DLC1: variants seen among roughly 807,000 people sequenced by gnomAD.
The protein encoded by DLC1 is DLC1 Rho GTPase activating protein.
A neutral mutation model predicts 140.3 loss-of-function variants in DLC1; 54 were observed. The observed-to-expected ratio is 0.38, with a 90% confidence interval of 0.31 to 0.48. The LOEUF (loss-of-function observed/expected upper bound fraction) is 0.48, where lower values mean the gene tolerates loss of function less well. Ranked by LOEUF, DLC1 falls within the 20% of genes least tolerant of loss-of-function variation. The probability of loss-of-function intolerance (pLI) is 0.96; values close to 1 mark genes in which losing one functional copy is unlikely to be tolerated. For synonymous variants in DLC1, 986 were observed against 728.1 expected (o/e 1.35, Z -5.70); for missense variants, 2,536 against 1,907.0 (o/e 1.33, Z -6.14).
intron 4 of DLC1, among the ~76,000 whole-genome samples, chr8:13,390,391 A>G (rs995046139): frequency 1.3e-5 from 2 of 152,128 alleles, no homozygotes; most frequent in African/African-American, 2.4e-5. Flanking sequence ...GGTTGGTTCC[A>G]TGTCTTTGCT....
At position 13,450,674 on chromosome 8, in the gene DLC1, T is replaced by A. The variant is rs1798997522; in HGVS notation, c.1023+48375A>T. 2.0e-5 allele frequency among the ~76,000 whole-genome samples: 3 copies of A among 151,784 alleles called. 1 individual carries two copies. In the South Asian group the frequency reaches 6.2e-4, roughly 31 times the overall value. ...GACTTCATATTTTAAGAGTGAAAAG[T>A]TTTCATGAATAAGTCTTGCAAAATT... is the stretch of plus-strand genomic sequence containing the variant. On this transcript the variant is annotated intron_variant, in intron 2 of 17. Transcript: ENST00000276297.
chr8:13,164,675 A>G (rs1180520802), intron 5 of DLC1, among the ~76,000 whole-genome samples: 1 of 152,188 alleles, frequency 6.6e-6, no homozygotes, highest in Non-Finnish European at 1.5e-5. Flanking sequence ...GCCAGTGCAG[A>G]CATTGATACT....
chr8:13,431,649 C>T (rs1164803124), intron 2 of DLC1, among the ~76,000 whole-genome samples: 2 of 151,566 alleles, frequency 1.3e-5, no homozygotes, highest in Admixed American at 6.6e-5. Context: ...CATACATCTG[C>T]TTTAGAAAGA....
intron 2 of DLC1, among the ~76,000 whole-genome samples, chr8:13,414,791 G>A (rs759154032): frequency 3.3e-5 from 5 of 152,004 alleles, no homozygotes; most frequent in Admixed American, 1.3e-4. Flanking sequence ...TTGACACGAT[G>A]TTATCATTTT....
At chr8:13,172,085 T>C (rs1017949439) in intron 5 of DLC1, among the ~76,000 whole-genome samples, 1 of 152,220 alleles carries the variant, frequency 6.6e-6, no homozygotes, top group Non-Finnish European at 1.5e-5. Flanking sequence ...TTCATCTATA[T>C]GGCATTATTC....
chr8:13,444,751 G>A lies in DLC1; in HGVS notation c.1024-43132C>T, dbSNP rs539951473. On this transcript the variant is annotated intron_variant, in intron 2 of 17. Transcript: ENST00000276297. ...AGAATAGAAGCAAATATCATTCCAT[G>A]TTAGAAGAGATTCAGGATGATGATT... Among the ~76,000 whole-genome samples, 4 of 152,212 alleles carry A rather than the reference G, an allele frequency of 2.6e-5. No individual in the cohort carries two copies. The South Asian group carries it at 8.3e-4, about 32-fold the overall frequency.
intron 5 of DLC1, among the ~76,000 whole-genome samples, chr8:13,190,708 G>C (rs1286290341): frequency 6.6e-6 from 1 of 152,134 alleles, no homozygotes; most frequent in Non-Finnish European, 1.5e-5. Context: ...TCAGAAGAAG[G>C]TTTCAGATTA....
intron 4 of DLC1, among the ~76,000 whole-genome samples, chr8:13,317,306 T>A (rs943956946): frequency 1.3e-5 from 2 of 152,222 alleles, no homozygotes; most frequent in African/African-American, 4.8e-5. Flanking sequence ...CCAGACTGAA[T>A]TGCTTCAATA....
chr8:13,567,462 G>T (rs1471726037), intron 1 of DLC1: 1 of 1,552,078 alleles, frequency 6.4e-7, no homozygotes, highest in Non-Finnish European at 8.7e-7. Flanking sequence ...TGGATGTAGA[G>T]GCTTCAGAGA....
chr8:13,103,822 A>C (rs1310329753), intron 7 of DLC1, among the ~76,000 whole-genome samples: 1 of 145,740 alleles, frequency 6.9e-6, no homozygotes, highest in African/African-American at 2.6e-5. Context: ...CCTGGGCAAA[A>C]GAGCCAGACT....
chr8:13,142,179 A>G (rs1823051052), intron 5 of DLC1, among the ~76,000 whole-genome samples: 1 of 152,196 alleles, frequency 6.6e-6, no homozygotes. Flanking sequence ...AGCCTTCCCC[A>G]GCGGTGGCGA....
rs752853364 is a variant in DLC1 at position 13,499,668 on chromosome 8, G to C, written c.404C>G (p.Thr135Arg). The C allele has an allele frequency of 4.3e-6, 7 of 1,614,170 alleles. No individual in the cohort carries two copies. In the South Asian group the frequency reaches 6.6e-5, roughly 15 times the overall value. ...TCCTTGGATCATATGTTGGCCTGAT[G>C]TTTTCTGCCCTTGGGTATTTAAAAC... ...KQVLNTQGQK[T>R]SGQHMIQGAG... is the part of the protein sequence containing the mutation. Residue 135 changes from threonine to arginine, a missense_variant, in exon 2 of 18, where the codon ACA (threonine) becomes AGA (arginine). Coordinates refer to ENST00000276297, the MANE Select transcript of DLC1 (RefSeq NM_182643.3).
intron 4 of DLC1, among the ~76,000 whole-genome samples, chr8:13,332,901 C>T (rs1833659040): frequency 6.6e-6 from 1 of 151,866 alleles, no homozygotes; most frequent in African/African-American, 2.4e-5. Context: ...GAAATAGATT[C>T]TTAAGAGTGG....
intron 5 of DLC1, among the ~76,000 whole-genome samples, chr8:13,202,846 G>A (rs1337718565): frequency 6.6e-6 from 1 of 151,710 alleles, no homozygotes; most frequent in Non-Finnish European, 1.5e-5. Context: ...GCTAATTGTT[G>A]TATTTTTTGT....
At chr8:13,350,709 C>T (rs879733351) in intron 4 of DLC1, among the ~76,000 whole-genome samples, 12 of 151,090 alleles carry the variant, frequency 7.9e-5, no homozygotes, top group South Asian at 4.2e-4. Context: ...GAGCAAGACT[C>T]GATCTTAAAA....
chr8:13,324,249 A>G (rs1433047705), intron 4 of DLC1, among the ~76,000 whole-genome samples: 3 of 152,210 alleles, frequency 2.0e-5, no homozygotes, highest in African/African-American at 7.2e-5. Context: ...ATTGAGGCAT[A>G]TGTAGTAGAC....
At chr8:13,529,540 A>T (rs1803030375) in intron 1 of DLC1, among the ~76,000 whole-genome samples, 2 of 152,158 alleles carry the variant, frequency 1.3e-5, no homozygotes, top group African/African-American at 4.8e-5. Context: ...CCTCTATTCA[A>T]CATGACTCAT....
At chr8:13,123,351 G>C (rs1585696264) in intron 5 of DLC1, among the ~76,000 whole-genome samples, 1 of 145,218 alleles carries the variant, frequency 6.9e-6, no homozygotes, top group African/African-American at 2.6e-5. Flanking sequence ...GCACCTTTTT[G>C]GTTGTTGACA....
chr8:13,207,867 T>C (rs1178515289), intron 5 of DLC1, among the ~76,000 whole-genome samples: 7 of 152,174 alleles, frequency 4.6e-5, no homozygotes, highest in Admixed American at 3.9e-4. Context: ...TGAGAAACCA[T>C]GCTTTAGTGA....
Sources: allele counts gnomAD v4.1 joint callset (sites outside exome capture counted in the v4.1 genomes callset), GRCh38; gene constraint gnomAD v4.1.1; transcripts MANE v1.5; gene names NCBI Gene and HGNC (gene_info 2026-07-23, HGNC 2026-07-21).